GRIK1: variants seen among roughly 807,000 people sequenced by gnomAD.
GRIK1 encodes the protein glutamate ionotropic receptor kainate type subunit 1.
A neutral mutation model predicts 105.7 loss-of-function variants in GRIK1; 69 were observed. The observed-to-expected ratio is 0.65, with a 90% CI of 0.54 to 0.80. The LOEUF (loss-of-function observed/expected upper bound fraction) is 0.80. Among genes scored for constraint, GRIK1 ranks in the 30% least tolerant of loss-of-function variants. The pLI is 0.00. For missense variants in GRIK1, 1,109 were observed against 1,167.3 expected (o/e 0.95, Z 0.73); for synonymous variants, 438 against 431.3 (o/e 1.02, Z -0.19).
intron 1 of GRIK1, among the ~76,000 whole-genome samples, chr21:29,782,783 T>C (rs1569087637): frequency 6.6e-6 from 1 of 152,232 alleles, no homozygotes; most frequent in Non-Finnish European, 1.5e-5. Flanking sequence ...TTTTAATAAC[T>C]TCAGGGAATT....
At chr21:29,554,090 T>C (rs1041950775) in intron 16 of GRIK1, among the ~76,000 whole-genome samples, 3 of 152,186 alleles carry the variant, frequency 2.0e-5, no homozygotes, top group African/African-American at 7.2e-5. Context: ...AAAGTGGATC[T>C]ATTATCAGAT....
At position 29,690,003 on chromosome 21, in the gene GRIK1, GGAGA is replaced by G; in HGVS notation, c.287-22_287-19del. The G allele has an allele frequency of 6.2e-7, 1 of 1,600,512 alleles. No individual in the cohort carries two copies. The highest frequency in any genetic ancestry group is 8.6e-7 in the Non-Finnish European group (1 of 1,169,480). On this transcript the variant is annotated intron_variant, in intron 2 of 17. Transcript: ENST00000327783. ...GTCACATGCTGATGCCCAAGGACAA[GGAGA>G]GGATGGGGAGGGAGGGCAGGGAAAG...
intron 1 of GRIK1, among the ~76,000 whole-genome samples, chr21:29,854,432 T>C (rs1380888851): frequency 6.6e-6 from 1 of 151,968 alleles, no homozygotes; most frequent in African/African-American, 2.4e-5. Context: ...GGGAGTGAGC[T>C]TTCAAACACT....
chr21:29,720,960 A>G (rs2064306277), intron 1 of GRIK1, among the ~76,000 whole-genome samples: 1 of 152,114 alleles, frequency 6.6e-6, no homozygotes, highest in African/African-American at 2.4e-5. Flanking sequence ...TTAAACTCCT[A>G]TCACCGGAGA....
intron 1 of GRIK1, among the ~76,000 whole-genome samples, chr21:29,917,325 C>A (rs67607631): frequency 0.011 from 1,624 of 152,126 alleles, 12 homozygotes; most frequent in South Asian, 0.028. Context: ...TTAAGCATGT[C>A]TCACTTCTTG....
intron 14 of GRIK1, among the ~76,000 whole-genome samples, chr21:29,564,234 G>A (rs1312792488): frequency 6.6e-6 from 1 of 151,818 alleles, no homozygotes; most frequent in Admixed American, 6.6e-5. Flanking sequence ...TGCAAGCTCC[G>A]CCTCCCGGGT....
At chr21:29,637,474 C>A (rs1181759703) in intron 7 of GRIK1, among the ~76,000 whole-genome samples, 2 of 152,190 alleles carry the variant, frequency 1.3e-5, no homozygotes, top group African/African-American at 4.8e-5. Flanking sequence ...TGTTTGTTTA[C>A]CCCTAAAATT....
intron 1 of GRIK1, among the ~76,000 whole-genome samples, chr21:29,802,382 CT>C (rs1238345323): frequency 6.6e-6 from 1 of 152,004 alleles, no homozygotes; most frequent in Non-Finnish European, 1.5e-5. Context: ...GACTTTCACC[CT>C]CTCCCTCTTT....
chr21:29,884,678 G>A (rs185858606), intron 1 of GRIK1, among the ~76,000 whole-genome samples: 116 of 152,156 alleles, frequency 7.6e-4, no homozygotes, highest in African/African-American at 2.4e-3. Flanking sequence ...TAGATTATCA[G>A]CTATTGTGCT....
chr21:29,676,054 C>T (rs543092927), intron 3 of GRIK1, among the ~76,000 whole-genome samples: 32 of 152,212 alleles, frequency 2.1e-4, no homozygotes, highest in African/African-American at 7.7e-4. Context: ...AAACACACAC[C>T]CCCAAATATG....
chr21:29,656,288 G>A (rs1314102844), intron 4 of GRIK1, among the ~76,000 whole-genome samples: 1 of 147,834 alleles, frequency 6.8e-6, no homozygotes, highest in Non-Finnish European at 1.5e-5. Context: ...CGTGAACCCG[G>A]GGGCGGAGCT....
chr21:29,677,811 C>G (rs1464557889), intron 3 of GRIK1, among the ~76,000 whole-genome samples: 2 of 152,080 alleles, frequency 1.3e-5, no homozygotes, highest in African/African-American at 4.8e-5. Flanking sequence ...TTGGATCGGC[C>G]CTGAAAATGG....
In GRIK1 at chr21:29,917,466, C is replaced by T. The variant is rs16985394; in HGVS notation, c.118+21917G>A. On this transcript the variant is annotated intron_variant, in intron 1 of 17. Transcript: ENST00000327783. ...TTTATGCTGTGCCTTTATTTTTATT[C>T]AGATGTTAGGAGAACGATCATAGGA... Among the ~76,000 whole-genome samples, 1,125 of 152,092 alleles carry T rather than the reference C, an allele frequency of 7.4e-3. 13 individuals are homozygous for T. The highest frequency in any genetic ancestry group is 0.026 in the African/African-American group (1,069 of 41,524).
At position 29,673,016 on chromosome 21, in the gene GRIK1, A is replaced by G. The variant is rs1422087416; in HGVS notation, c.693T>C (p.Cys231=). 1 of 1,613,348 alleles carries G rather than the reference A, an allele frequency of 6.2e-7. No homozygotes were observed. Among genetic ancestry groups the G allele is most frequent in the Non-Finnish European group, 8.5e-7 (1 of 1,179,492 alleles). ...GGATTTCAGCGGCTGTTTCATGTGA[A>G]CAATCAAATATCACATAGAACTCCT... is the stretch of plus-strand genomic sequence containing the variant. ...KGKEFYVIFD[C]SHETAAEILK... Residue 231 remains cysteine, a synonymous_variant, in exon 4 of 18, where the codon TGT becomes TGC. Transcript: ENST00000327783.
intron 1 of GRIK1, among the ~76,000 whole-genome samples, chr21:29,741,303 T>C (rs1050301093): frequency 4.6e-5 from 7 of 152,244 alleles, no homozygotes; most frequent in African/African-American, 1.7e-4. Flanking sequence ...CTTTTAATGA[T>C]GTTCAATCAT....
At chr21:29,578,205 G>A (rs1451817309) in intron 13 of GRIK1, among the ~76,000 whole-genome samples, 1 of 152,162 alleles carries the variant, frequency 6.6e-6, no homozygotes, top group African/African-American at 2.4e-5. Context: ...TATCCTCCAT[G>A]AACCTGAAGG....
chr21:29,883,432 T>A (rs2069498194), intron 1 of GRIK1, among the ~76,000 whole-genome samples: 1 of 152,078 alleles, frequency 6.6e-6, no homozygotes, highest in Admixed American at 6.6e-5. Flanking sequence ...CGAGACTGAC[T>A]ATTGGTTGTT....
intron 1 of GRIK1, among the ~76,000 whole-genome samples, chr21:29,749,606 C>G (rs758138979): frequency 1.3e-5 from 2 of 152,220 alleles, no homozygotes; most frequent in African/African-American, 4.8e-5. Context: ...ACATTTGGGT[C>G]TTTATCAGCA....
intron 1 of GRIK1, among the ~76,000 whole-genome samples, chr21:29,921,611 T>C (rs1171333445): frequency 6.6e-6 from 1 of 152,186 alleles, no homozygotes; most frequent in Non-Finnish European, 1.5e-5. Flanking sequence ...CAAGAAAAAG[T>C]TGAGTTTTCA....
Sources: gnomAD v4.1 joint callset for allele counts (sites outside exome capture counted in the v4.1 genomes callset) on GRCh38, gnomAD v4.1.1 for gene constraint, MANE v1.5 for transcripts, NCBI Gene and HGNC (gene_info 2026-07-23, HGNC 2026-07-21) for gene names.